The following DNAI7 variants were observed in gnomAD, a reference collection of about 807,000 sequenced individuals.
DNAI7 encodes the protein dynein axonemal intermediate chain 7.
Under a neutral mutation model 86.6 loss-of-function variants are expected in DNAI7, and 78 were observed. The ratio of observed to expected loss-of-function variants is 0.90; its 90% CI spans 0.75 to 1.09. DNAI7 has a LOEUF of 1.09. Among genes scored for constraint, DNAI7 ranks in the 50% least tolerant of loss-of-function variants. The pLI, the probability that DNAI7 is intolerant of heterozygous loss-of-function variation, is 0.00. For synonymous variants in DNAI7, 274 were observed against 273.0 expected, an observed-to-expected ratio of 1.00 and a Z score of -0.04; for missense variants, 753 against 810.2, an observed-to-expected ratio of 0.93 and a Z score of 0.86.
chr12:25,168,076 G>T (rs1947700284), intron 2 of DNAI7, among the ~76,000 whole-genome samples: 1 of 152,138 alleles, frequency 6.6e-6, no homozygotes, highest in South Asian at 2.1e-4. Flanking sequence ...CCTCTACACA[G>T]TTACCTCATC....
At chr12:25,155,458 T>C (rs748313923) in intron 4 of DNAI7, 46 bp from the exon 5 acceptor site, 4 of 1,051,920 alleles carry the variant, frequency 3.8e-6, no homozygotes, top group Admixed American at 5.0e-5. Context: ...TAATTTTAAC[T>C]TTATGTTTCA....
chr12:25,158,004 C>A (rs769954457), intron 4 of DNAI7, among the ~76,000 whole-genome samples: 33 of 151,834 alleles, frequency 2.2e-4, no homozygotes, highest in Admixed American at 3.3e-4. Context: ...CTGAGGGGGG[C>A]GGATCACAAG....
At chr12:25,192,074 TATTA>T (rs201702986) in intron 1 of DNAI7, among the ~76,000 whole-genome samples, 6 of 152,276 alleles carry the variant, frequency 3.9e-5, no homozygotes, top group East Asian at 1.9e-4. Context: ...ACTCGGCAGA[TATTA>T]ATTAATGATT....
At chr12:25,107,666 T>G, downstream of DNAI7, 2 of 696,084 alleles carry the variant, frequency 2.9e-6, no homozygotes, top group Non-Finnish European at 4.8e-6. Flanking sequence ...GCAGATTGTT[T>G]CCAAAACCAA....
chr12:25,121,936 T>C (rs1160448602), intron 10 of DNAI7, 23 bp from the exon 11 acceptor site: 1 of 1,495,074 alleles, frequency 6.7e-7, no homozygotes, highest in Non-Finnish European at 9.0e-7. Context: ...AGATTAACAG[T>C]TTTCAAATAG....
chr12:25,158,025 G>T (rs571360882), intron 4 of DNAI7, among the ~76,000 whole-genome samples: 1 of 151,994 alleles, frequency 6.6e-6, no homozygotes, highest in African/African-American at 2.4e-5. Context: ...GTCAGGAGAT[G>T]GAGACCATCC....
At position 25,108,609 on chromosome 12, in the gene DNAI7, C is replaced by G. The variant is rs754811965; in HGVS notation, c.2108G>C (p.Cys703Ser). The G allele has an allele frequency of 5.6e-6, 9 of 1,613,824 alleles. No homozygotes were observed. Among genetic ancestry groups the G allele is most frequent in the Non-Finnish European group, 6.8e-6 (8 of 1,179,926 alleles). The change falls in exon 16 of 16, where the codon TGT becomes TCT. Residue 703 changes from cysteine to serine, a missense_variant. By Grantham distance (112) the Cys-to-Ser change is moderately radical (BLOSUM62 -1). Coordinates refer to ENST00000395987, the MANE Select transcript of DNAI7 (RefSeq NM_018272.5). ...GTGGCACACAGAGTTGACAAACTGA[C>G]AGTTGGAACTCCTGACTTTCTCCAT... ...EAMEKVRSSN[C>S]QFVNSVCHML...
downstream of DNAI7, chr12:25,107,685 A>C (rs1949292279): frequency 7.7e-6 from 6 of 781,598 alleles, no homozygotes; most frequent in South Asian, 7.1e-5. Context: ...AAAATGATAA[A>C]TCATAATATG....
chr12:25,134,786 G>A (rs2140678642), intron 9 of DNAI7, among the ~76,000 whole-genome samples: 1 of 152,252 alleles, frequency 6.6e-6, no homozygotes, highest in Non-Finnish European at 1.5e-5. Flanking sequence ...TCATTGGTAA[G>A]GGCCATTCAA....
intron 8 of DNAI7, among the ~76,000 whole-genome samples, chr12:25,146,782 G>A (rs1944897190): frequency 6.6e-6 from 1 of 152,122 alleles, no homozygotes; most frequent in African/African-American, 2.4e-5. Flanking sequence ...CCTATTAAGT[G>A]ACACAATCAT....
intron 10 of DNAI7, among the ~76,000 whole-genome samples, chr12:25,122,854 C>T (rs190895422): frequency 1.3e-5 from 2 of 152,288 alleles, no homozygotes; most frequent in Admixed American, 6.5e-5. Context: ...TGGAATTATA[C>T]AACTACTTCA....
chr12:25,129,765 T>TA (rs759517581), intron 9 of DNAI7, among the ~76,000 whole-genome samples: 149 of 66,810 alleles, frequency 2.2e-3, no homozygotes, highest in Middle Eastern at 8.2e-3. Flanking sequence ...TATTTTATTT[T>TA]TATTTTTTTT....
chr12:25,162,100 G>T (rs1946896690), intron 2 of DNAI7, among the ~76,000 whole-genome samples: 1 of 151,772 alleles, frequency 6.6e-6, no homozygotes, highest in African/African-American at 2.4e-5. Context: ...TAACATTCAA[G>T]GGAAGATATC....
intron 9 of DNAI7, among the ~76,000 whole-genome samples, chr12:25,131,295 A>G (rs1717508143): frequency 6.6e-6 from 1 of 152,208 alleles, no homozygotes. Context: ...TCATGAATTT[A>G]TATGGCAGTT....
chr12:25,163,677 T>C (rs977476191), intron 2 of DNAI7, among the ~76,000 whole-genome samples: 5 of 152,194 alleles, frequency 3.3e-5, no homozygotes, highest in African/African-American at 1.2e-4. Context: ...ATCAATCCCC[T>C]GTCCTGCTTT....
At chr12:25,190,957 A>T (rs571781598) in intron 1 of DNAI7, among the ~76,000 whole-genome samples, 12 of 152,330 alleles carry the variant, frequency 7.9e-5, no homozygotes, top group African/African-American at 2.4e-4. Flanking sequence ...TAAACAGAGT[A>T]CTAGTCAAGA....
intron 2 of DNAI7, among the ~76,000 whole-genome samples, chr12:25,184,982 A>G (rs1288740223): frequency 6.7e-6 from 1 of 150,114 alleles, no homozygotes; most frequent in Non-Finnish European, 1.5e-5. Flanking sequence ...AAAAAAAAAA[A>G]AGAAAGAAAA....
intron 6 of DNAI7, among the ~76,000 whole-genome samples, chr12:25,153,258 C>A (rs1945772924): frequency 6.6e-6 from 1 of 152,024 alleles, no homozygotes; most frequent in Non-Finnish European, 1.5e-5. Context: ...CTCATTTCTA[C>A]TAAAAATACA....
At chr12:25,143,658 G>C (rs996808195) in intron 9 of DNAI7, among the ~76,000 whole-genome samples, 1 of 152,102 alleles carries the variant, frequency 6.6e-6, no homozygotes, top group East Asian at 1.9e-4. Context: ...TGTGTTTAAA[G>C]AAAATAAATC....
Sources: allele counts gnomAD v4.1 joint callset (sites outside exome capture counted in the v4.1 genomes callset), GRCh38; gene constraint gnomAD v4.1.1; transcripts MANE v1.5; gene names NCBI Gene and HGNC (gene_info 2026-07-23, HGNC 2026-07-21).